The following NAALADL2 variants were observed in gnomAD, a reference collection of about 807,000 sequenced individuals.
The protein encoded by NAALADL2 is inactive N-acetylated-alpha-linked acidic dipeptidase-like protein 2.
A neutral mutation model predicts 87.2 loss-of-function variants in NAALADL2; 76 were observed. The ratio of observed to expected loss-of-function variants is 0.87; its 90% CI spans 0.72 to 1.05. The LOEUF (loss-of-function observed/expected upper bound fraction) is 1.05, where lower values mean the gene tolerates loss of function less well. Ranked by LOEUF, NAALADL2 falls within the 50% of genes least tolerant of loss-of-function variation. The pLI is 0.00. For synonymous variants in NAALADL2, 354 were observed against 331.0 expected, an observed-to-expected ratio of 1.07 and a Z score of -0.75; for missense variants, 1,089 against 945.8, an observed-to-expected ratio of 1.15 and a Z score of -1.99.
chr3:174,687,734 C>T (rs28709432), intron 2 of NAALADL2, among the ~76,000 whole-genome samples: 11,976 of 152,124 alleles, frequency 0.079, 664 homozygotes, highest in South Asian at 0.27. Flanking sequence ...ACCCAAATCT[C>T]ACCTTGAATT....
At chr3:174,821,627 TAC>T (rs1378246298) in intron 3 of NAALADL2, among the ~76,000 whole-genome samples, 1 of 152,166 alleles carries the variant, frequency 6.6e-6, no homozygotes, top group Non-Finnish European at 1.5e-5. Flanking sequence ...TTTGGGCAAT[TAC>T]ACAGAGTTCT....
chr3:174,891,005 T>C (rs1730810699), intron 1 of NAALADL2, among the ~76,000 whole-genome samples: 1 of 152,150 alleles, frequency 6.6e-6, no homozygotes, highest in Non-Finnish European at 1.5e-5. Flanking sequence ...TAAATATAGA[T>C]ACTTAACTAC....
At chr3:175,625,272 A>T (rs1463561241) in intron 10 of NAALADL2, among the ~76,000 whole-genome samples, 2 of 151,972 alleles carry the variant, frequency 1.3e-5, no homozygotes, top group African/African-American at 2.4e-5. Flanking sequence ...TAGTGATGAG[A>T]ATGTCATGTT....
intron 1 of NAALADL2, among the ~76,000 whole-genome samples, chr3:174,926,478 A>G (rs1224065904): frequency 6.6e-6 from 1 of 152,200 alleles, no homozygotes; most frequent in Non-Finnish European, 1.5e-5. Flanking sequence ...ACCCACAAAG[A>G]GAAGCCCATC....
chr3:174,713,758 C>T (rs559689044), intron 2 of NAALADL2, among the ~76,000 whole-genome samples: 98 of 151,872 alleles, frequency 6.5e-4, no homozygotes, highest in African/African-American at 2.2e-3. Context: ...GTTGCCTGTT[C>T]ACTCTGATGG....
intron 5 of NAALADL2, among the ~76,000 whole-genome samples, chr3:175,416,895 T>G (rs959698063): frequency 7.9e-5 from 12 of 152,100 alleles, no homozygotes; most frequent in African/African-American, 2.2e-4. Flanking sequence ...TATATGATGC[T>G]GAGTCACTTG....
intron 9 of NAALADL2, among the ~76,000 whole-genome samples, chr3:175,505,952 C>A (rs1730252763): frequency 6.6e-6 from 1 of 152,070 alleles, no homozygotes; most frequent in Non-Finnish European, 1.5e-5. Flanking sequence ...TGATTGGTAT[C>A]ACTTCAAGAC....
chr3:174,520,817 G>C (rs1361580472), intron 1 of NAALADL2, among the ~76,000 whole-genome samples: 1 of 151,974 alleles, frequency 6.6e-6, no homozygotes, highest in Non-Finnish European at 1.5e-5. Flanking sequence ...CACCAACAAA[G>C]GACTAACATC....
chr3:175,516,655 T>A (rs1397353374), intron 9 of NAALADL2, among the ~76,000 whole-genome samples: 2 of 152,228 alleles, frequency 1.3e-5, no homozygotes, highest in Admixed American at 6.5e-5. Context: ...GGAGTATCTT[T>A]ATATTTTAGA....
intron 5 of NAALADL2, among the ~76,000 whole-genome samples, chr3:175,376,984 A>G (rs1027594124): frequency 5.3e-5 from 8 of 149,876 alleles, no homozygotes; most frequent in African/African-American, 2.0e-4. Flanking sequence ...GTTTGTATTT[A>G]TTTGCTTACC....
At chr3:175,719,329 T>C (rs1389009831) in intron 11 of NAALADL2, among the ~76,000 whole-genome samples, 2 of 151,788 alleles carry the variant, frequency 1.3e-5, no homozygotes, top group African/African-American at 2.4e-5. Context: ...ACCTAAGATA[T>C]AACAGTATGT....
At chr3:175,788,339 C>T (rs1023081242) in intron 13 of NAALADL2, among the ~76,000 whole-genome samples, 2 of 152,062 alleles carry the variant, frequency 1.3e-5, no homozygotes, top group African/African-American at 4.8e-5. Context: ...CGATCCACCA[C>T]CTCAGCCTCC....
intron 5 of NAALADL2, among the ~76,000 whole-genome samples, chr3:175,355,022 A>ATGTGTGTGTGAGTG (rs1764203266): frequency 7.2e-6 from 1 of 139,436 alleles, no homozygotes; most frequent in Admixed American, 7.2e-5. Flanking sequence ...CTATATATAT[A>ATGTGTGTGTGAGTG]TGTGTGTGTG....
At chr3:174,646,766 G>A (rs1044766270) in intron 2 of NAALADL2, among the ~76,000 whole-genome samples, 1 of 151,966 alleles carries the variant, frequency 6.6e-6, no homozygotes, top group African/African-American at 2.4e-5. Context: ...TAGATGAGCT[G>A]GGAATAACTA....
Position 174,569,473 on chromosome 3 carries a change from A to G in NAALADL2, c.-115+18836A>G, listed in dbSNP as rs372810378. On this transcript the variant is annotated intron_variant, in intron 2 of 3. Coordinates refer to the NAALADL2 transcript ENST00000434257. ...ACATATTTACAACAGCTGTTTTACA[A>G]TCTTTATCTACTGTTGCCATCCTCT... Among the ~76,000 whole-genome samples the G allele has an allele frequency of 3.9e-5, 6 of 152,184 alleles. 1 individual carries two copies. Among genetic ancestry groups the G allele is most frequent in the East Asian group, 1.9e-4 (1 of 5,182 alleles).
chr3:175,356,561 C>A (rs1052567281), intron 5 of NAALADL2, among the ~76,000 whole-genome samples: 6 of 120,538 alleles, frequency 5.0e-5, no homozygotes, highest in Admixed American at 2.6e-4. Flanking sequence ...GATGACAGAG[C>A]AAGACCCTGT....
At chr3:175,505,407 C>A (rs761859643) in intron 9 of NAALADL2, among the ~76,000 whole-genome samples, 25 of 152,054 alleles carry the variant, frequency 1.6e-4, no homozygotes, top group Non-Finnish European at 2.9e-4. Flanking sequence ...CCACTAGAAC[C>A]AAGTCAACCC....
intron 1 of NAALADL2, among the ~76,000 whole-genome samples, chr3:174,923,730 T>C (rs1735571667): frequency 6.6e-6 from 1 of 152,210 alleles, no homozygotes; most frequent in Admixed American, 6.5e-5. Flanking sequence ...TTTCTATTTT[T>C]CCTTTATTGT....
chr3:174,858,324 C>A (rs1386415713), upstream of NAALADL2, among the ~76,000 whole-genome samples: 1 of 151,692 alleles, frequency 6.6e-6, no homozygotes. Flanking sequence ...TTATGGGGGA[C>A]AAAGCTTAAA....
Sources: allele counts gnomAD v4.1 joint callset (sites outside exome capture counted in the v4.1 genomes callset), GRCh38; gene constraint gnomAD v4.1.1; transcripts MANE v1.5; gene names NCBI Gene and HGNC (gene_info 2026-07-23, HGNC 2026-07-21).